The following BTBD9 variants were observed in gnomAD, a reference collection of about 807,000 sequenced individuals.
BTBD9 encodes the protein BTB/POZ domain-containing protein 9.
BTBD9 carries 49 observed loss-of-function variants against 64.3 expected under a neutral mutation model. The ratio of observed to expected loss-of-function variants is 0.76; its 90% CI spans 0.61 to 0.97. The LOEUF is 0.97. Among genes scored for constraint, BTBD9 ranks in the 50% least tolerant of loss-of-function variants. The pLI, the probability that BTBD9 is intolerant of heterozygous loss-of-function variation, is 0.00. For synonymous variants in BTBD9, 260 were observed against 274.7 expected (o/e 0.95, Z 0.53); for missense variants, 598 against 762.1 (o/e 0.78, Z 2.53).
chr6:38,296,861 CTG>C (rs1451932567), intron 7 of BTBD9, among the ~76,000 whole-genome samples: 4 of 152,054 alleles, frequency 2.6e-5, no homozygotes, highest in Non-Finnish European at 5.9e-5. Flanking sequence ...GGAAAAAAAA[CTG>C]TGGTGTGTCC....
intron 6 of BTBD9, among the ~76,000 whole-genome samples, chr6:38,561,937 A>C (rs928826427): frequency 6.6e-6 from 1 of 152,166 alleles, no homozygotes; most frequent in African/African-American, 2.4e-5. Context: ...ATAAAAGTTG[A>C]AATTAGAGAG....
At chr6:38,361,636 T>A (rs1365659123) in intron 6 of BTBD9, among the ~76,000 whole-genome samples, 1 of 151,428 alleles carries the variant, frequency 6.6e-6, no homozygotes, top group Non-Finnish European at 1.5e-5. Context: ...AGGTCAGGAG[T>A]TCGAGACCAG....
At chr6:38,370,074 T>C (rs925890385) in intron 6 of BTBD9, among the ~76,000 whole-genome samples, 5 of 152,194 alleles carry the variant, frequency 3.3e-5, no homozygotes, top group Non-Finnish European at 5.9e-5. Context: ...CCACCAACAA[T>C]CTCTGTATCC....
At chr6:38,372,184 A>C (rs1418519603) in intron 6 of BTBD9, among the ~76,000 whole-genome samples, 1 of 152,196 alleles carries the variant, frequency 6.6e-6, no homozygotes, top group African/African-American at 2.4e-5. Flanking sequence ...GAATTTTTAG[A>C]TGCACCTCAG....
intron 6 of BTBD9, among the ~76,000 whole-genome samples, chr6:38,548,289 T>C (rs1291794910): frequency 6.6e-6 from 1 of 152,232 alleles, no homozygotes; most frequent in East Asian, 1.9e-4. Flanking sequence ...TCATTTCCCT[T>C]TCATTTACAC....
At chr6:38,365,959 C>T (rs959627381) in intron 6 of BTBD9, among the ~76,000 whole-genome samples, 11 of 152,104 alleles carry the variant, frequency 7.2e-5, no homozygotes, top group Non-Finnish European at 8.8e-5. Context: ...GAAGAAAGAA[C>T]AGAAAACAGA....
chr6:38,593,958 A>C lies in BTBD9; in HGVS notation c.549+6T>G, dbSNP rs754789365. On this transcript the variant is annotated splice_donor_region_variant and intron_variant, in intron 3 of 10. Transcript: ENST00000481247. ...CCTATAAATTACTTGTAGACAAATG[A>C]CACACCTTAGAAAGGGAGAGGAAAC... 1 of 1,606,208 alleles carries C rather than the reference A, an allele frequency of 6.2e-7. No homozygotes were observed. The highest frequency in any genetic ancestry group is 8.5e-7 in the Non-Finnish European group (1 of 1,175,774).
rs763278917 is a variant in BTBD9 at position 38,594,334 on chromosome 6, A to G, written c.186-7T>C. 1.9e-6 allele frequency: 3 copies of G among 1,582,080 alleles called. No homozygotes were observed. The South Asian group carries it at 3.5e-5, about 18-fold the overall frequency. ...TCCACCATATAATAATGCTCTGCAC[A>G]TCAGGGAAGAAACACATGAAGAAAC... is the stretch of plus-strand genomic sequence containing the variant. On this transcript the variant is annotated splice_polypyrimidine_tract_variant and splice_region_variant and intron_variant, in intron 2 of 10. Coordinates refer to ENST00000481247, the MANE Select transcript of BTBD9 (RefSeq NM_001099272.2).
intron 6 of BTBD9, among the ~76,000 whole-genome samples, chr6:38,427,090 C>T (rs7772755): frequency 0.099 from 15,019 of 151,596 alleles, 877 homozygotes; most frequent in African/African-American, 0.12. Flanking sequence ...GTCCATTCTC[C>T]TGGACAAATA....
intron 9 of BTBD9, among the ~76,000 whole-genome samples, chr6:38,224,802 G>A (rs1054909448): frequency 3.9e-5 from 6 of 152,118 alleles, no homozygotes; most frequent in Admixed American, 1.3e-4. Context: ...ACAAACCAAC[G>A]CTTAACGTGG....
intron 6 of BTBD9, among the ~76,000 whole-genome samples, chr6:38,451,831 T>C (rs1458060306): frequency 1.3e-5 from 2 of 152,138 alleles, no homozygotes; most frequent in African/African-American, 4.8e-5. Context: ...CATTGATCCT[T>C]GGGTTTGCAA....
Position 38,248,726 on chromosome 6 carries a change from G to A in BTBD9, c.1562+7683C>T, listed in dbSNP as rs559521183. ...CAAGATGGCTGACATTGTAGGCACA[G>A]TTCGCTCTCCCTTCCCGGAAACCAC... On this transcript the variant is annotated intron_variant, in intron 9 of 10. Transcript: ENST00000481247. 1.6e-4 allele frequency among the ~76,000 whole-genome samples: 25 copies of A among 152,342 alleles called. No homozygotes were observed. The South Asian group carries it at 1.7e-3, about 10-fold the overall frequency.
intron 6 of BTBD9, among the ~76,000 whole-genome samples, chr6:38,363,773 T>C (rs1308771674): frequency 6.6e-6 from 1 of 152,100 alleles, no homozygotes; most frequent in East Asian, 1.9e-4. Context: ...TGGGAAGAAA[T>C]TAAGAAAATG....
intron 7 of BTBD9, among the ~76,000 whole-genome samples, chr6:38,298,396 G>A (rs1762240916): frequency 6.6e-6 from 1 of 151,878 alleles, no homozygotes; most frequent in Admixed American, 6.6e-5. Flanking sequence ...CATAATATTT[G>A]TACATACTTA....
chr6:38,331,470 T>C (rs1050556589), intron 7 of BTBD9, among the ~76,000 whole-genome samples: 3 of 151,734 alleles, frequency 2.0e-5, no homozygotes, highest in Non-Finnish European at 4.4e-5. Context: ...AGAGACAGAC[T>C]CCCTCTCAAA....
chr6:38,339,584 A>T (rs1203950481), intron 7 of BTBD9, among the ~76,000 whole-genome samples: 1 of 152,236 alleles, frequency 6.6e-6, no homozygotes, highest in Non-Finnish European at 1.5e-5. Flanking sequence ...GATACAAAAT[A>T]TAAATTCAGA....
intron 6 of BTBD9, among the ~76,000 whole-genome samples, chr6:38,439,042 G>A (rs1220413008): frequency 6.7e-6 from 1 of 150,172 alleles, no homozygotes; most frequent in East Asian, 2.0e-4. Flanking sequence ...AGAGAGTATA[G>A]TAAGACAGTC....
At chr6:38,298,855 C>CTTTTT (rs113386216) in intron 7 of BTBD9, among the ~76,000 whole-genome samples, 8,704 of 146,052 alleles carry the variant, frequency 0.06, 707 homozygotes, top group East Asian at 0.38. Flanking sequence ...GTATTTCATT[C>CTTTTT]TTTTTTTTTT....
chr6:38,187,980 G>C (rs958854517), intron 10 of BTBD9, among the ~76,000 whole-genome samples: 4 of 152,214 alleles, frequency 2.6e-5, no homozygotes, highest in Non-Finnish European at 2.9e-5. Flanking sequence ...GGATCGGAGG[G>C]AAGCGGGGAA....
Sources: gnomAD v4.1 joint callset for allele counts (sites outside exome capture counted in the v4.1 genomes callset) on GRCh38, gnomAD v4.1.1 for gene constraint, MANE v1.5 for transcripts, NCBI Gene and HGNC (gene_info 2026-07-23, HGNC 2026-07-21) for gene names.